NRXN1: variants seen among roughly 807,000 people sequenced by gnomAD.
NRXN1 encodes neurexin 1.
In NRXN1, 39 loss-of-function variants were observed where a neutral mutation model predicts 150.9. The ratio of observed to expected loss-of-function variants is 0.26; its 90% CI spans 0.20 to 0.34. The LOEUF (loss-of-function observed/expected upper bound fraction) is 0.34, where lower values mean the gene tolerates loss of function less well. Among genes scored for constraint, NRXN1 ranks in the 10% least tolerant of loss-of-function variants. The pLI is 1.00. For missense variants in NRXN1, 1,815 were observed against 1,949.9 expected (o/e 0.93, Z 1.30); for synonymous variants, 924 against 757.0 (o/e 1.22, Z -3.62).
At chr2:50,373,690 G>GGATAGAAAGAAAGAAAGAAAGAAAGAAA (rs2080265871) in intron 17 of NRXN1, among the ~76,000 whole-genome samples, 1 of 91,678 alleles carries the variant, frequency 1.1e-5, no homozygotes, top group East Asian at 4.8e-4. Context: ...AAAGAAAGAA[G>GGATAGAAAGAAAGAAAGAAAGAAAGAAA]GAAAGAAAGA....
In NRXN1 at chr2:50,411,682, C is replaced by CT. The variant is rs1335191820; in HGVS notation, c.3364+53759dup. On this transcript the variant is annotated intron_variant, in intron 17 of 22. Transcript: ENST00000401669. ...GGAGCCCCTCCGCCCGGCAGCCGCC[C>CT]TGTCTGGGAGGTGGGGGGGCAGCCC... 1.4e-3 allele frequency among the ~76,000 whole-genome samples: 192 copies of CT among 132,864 alleles called. No homozygotes were observed. In the Middle Eastern group the frequency reaches 0.018, roughly 12 times the overall value. 87.2% of individuals were successfully genotyped at this position (132,864 alleles called of 152,430 possible). A position where few individuals can be genotyped will look rare whatever the true frequency, so the allele number is the denominator to read the frequency against.
intron 5 of NRXN1, among the ~76,000 whole-genome samples, chr2:50,642,700 A>C (rs1684245262): frequency 6.6e-6 from 1 of 152,068 alleles, no homozygotes; most frequent in African/African-American, 2.4e-5. Flanking sequence ...TGAAGAATGC[A>C]ATCTACCAAA....
chr2:50,427,755 T>C (rs1053398538), intron 17 of NRXN1, among the ~76,000 whole-genome samples: 2 of 152,232 alleles, frequency 1.3e-5, no homozygotes, highest in South Asian at 2.1e-4. Flanking sequence ...TTTGGTTCTG[T>C]TGACACAATA....
At position 50,565,066 on chromosome 2, in the gene NRXN1, G is replaced by A. The variant is rs532596836; in HGVS notation, c.1321-12041C>T. 5.9e-5 allele frequency among the ~76,000 whole-genome samples: 9 copies of A among 152,212 alleles called. No individual in the cohort carries two copies. In the East Asian group the frequency reaches 1.7e-3, roughly 29 times the overall value. ...ACAAAAATTCAGTAAAATAAAAAAT[G>A]CAAAGCCCAAATTCTCACACAACCC... On this transcript the variant is annotated intron_variant, in intron 8 of 22. Coordinates refer to ENST00000401669, the MANE Select transcript of NRXN1 (RefSeq NM_001330078.2).
chr2:50,555,595 A>G (rs910543920), intron 8 of NRXN1, among the ~76,000 whole-genome samples: 14 of 152,202 alleles, frequency 9.2e-5, no homozygotes, highest in African/African-American at 3.4e-4. Flanking sequence ...CAGCACCAAG[A>G]TCAGTGGCTG....
chr2:50,618,402 T>G (rs954427768), intron 8 of NRXN1, among the ~76,000 whole-genome samples: 2 of 152,168 alleles, frequency 1.3e-5, no homozygotes, highest in Non-Finnish European at 2.9e-5. Flanking sequence ...CAAATAACTG[T>G]GTTAAATAAT....
chr2:50,117,412 T>A (rs1206977008), intron 18 of NRXN1, among the ~76,000 whole-genome samples: 2 of 152,142 alleles, frequency 1.3e-5, no homozygotes, highest in Admixed American at 1.3e-4. Flanking sequence ...TTCCACACCC[T>A]TCTCCTCAAT....
At chr2:50,563,696 G>A (rs1669450873) in intron 8 of NRXN1, among the ~76,000 whole-genome samples, 1 of 152,156 alleles carries the variant, frequency 6.6e-6, no homozygotes, top group African/African-American at 2.4e-5. Context: ...AGCCTGAAAT[G>A]GACTGTTTAA....
chr2:50,681,185 G>T (rs547551990), intron 5 of NRXN1, among the ~76,000 whole-genome samples: 9 of 152,120 alleles, frequency 5.9e-5, no homozygotes, highest in Non-Finnish European at 1.2e-4. Flanking sequence ...TACACTATTG[G>T]CCCCACCTTA....
intron 18 of NRXN1, among the ~76,000 whole-genome samples, chr2:50,232,377 CTTTTCTTTTCTTTTTT>C (rs1375554336): frequency 7.5e-6 from 1 of 132,980 alleles, no homozygotes; most frequent in African/African-American, 3.1e-5. Flanking sequence ...ATTTTTCTTT[CTTTTCTTTTCTTTTTT>C]TTTTTTTTTT....
Position 50,506,546 on chromosome 2 carries a change from G to C in NRXN1, c.2446C>G (p.Arg816Gly), listed in dbSNP as rs200325059. 6.2e-7 allele frequency: 1 copy of C among 1,613,118 alleles called. No individual in the cohort carries two copies. The change falls in exon 13 of 23, where the codon CGG becomes GGG. Residue 816 changes from arginine to glycine, a missense_variant. Around this residue, in one of 6 missense-constraint regions of NRXN1, gnomAD observed 638 missense variants for 652.6 expected, o/e 0.98. Coordinates refer to ENST00000401669, the MANE Select transcript of NRXN1 (RefSeq NM_001330078.2). ...GTTAACTTTAAACTTTTTCCACGCC[G>C]AACTACACGCACTGTGTGCCACTCG... The part of the protein sequence containing the change: ...DNEWHTVRVV[R>G]RGKSLKLTVD...
intron 17 of NRXN1, among the ~76,000 whole-genome samples, chr2:50,393,539 A>G (rs754349203): frequency 2.0e-5 from 3 of 152,124 alleles, no homozygotes; most frequent in Non-Finnish European, 4.4e-5. Flanking sequence ...GAAAAATGAG[A>G]AAGATAGGTA....
chr2:49,933,948 C>G (rs1307609223), intron 22 of NRXN1, among the ~76,000 whole-genome samples: 1 of 152,070 alleles, frequency 6.6e-6, no homozygotes, highest in East Asian at 1.9e-4. Flanking sequence ...ATTCAGGTGG[C>G]AAAAATGGTC....
intron 17 of NRXN1, among the ~76,000 whole-genome samples, chr2:50,431,160 T>C (rs1156500191): frequency 6.6e-6 from 1 of 152,200 alleles, no homozygotes; most frequent in Non-Finnish European, 1.5e-5. Flanking sequence ...GTCTTCTTTT[T>C]GTATGTCCAA....
chr2:50,675,344 T>C (rs1689401488), intron 5 of NRXN1, among the ~76,000 whole-genome samples: 1 of 152,168 alleles, frequency 6.6e-6, no homozygotes, highest in Non-Finnish European at 1.5e-5. Flanking sequence ...AACGTGCTCC[T>C]CAAGTATTTT....
At chr2:50,036,968 C>G (rs1050524204) in intron 21 of NRXN1, among the ~76,000 whole-genome samples, 2 of 152,146 alleles carry the variant, frequency 1.3e-5, no homozygotes, top group African/African-American at 4.8e-5. Context: ...GTCCAAATGG[C>G]AGAACCACAG....
chr2:50,550,438 A>G (rs1369935440), intron 9 of NRXN1, among the ~76,000 whole-genome samples: 1 of 152,046 alleles, frequency 6.6e-6, no homozygotes, highest in Non-Finnish European at 1.5e-5. Context: ...TAATTTTCAA[A>G]ATTTTATTCT....
At chr2:50,277,328 C>T (rs1298337094) in intron 17 of NRXN1, among the ~76,000 whole-genome samples, 1 of 133,684 alleles carries the variant, frequency 7.5e-6, no homozygotes, top group South Asian at 2.5e-4. Context: ...TGCTGGCTTT[C>T]CTAACAATGT....
chr2:50,257,538 C>T (rs753531522), intron 17 of NRXN1, among the ~76,000 whole-genome samples: 14 of 151,964 alleles, frequency 9.2e-5, no homozygotes, highest in Non-Finnish European at 1.8e-4. Flanking sequence ...TCTCAAGGGC[C>T]TAGGAGTCAT....
Sources: gnomAD v4.1 joint callset for allele counts (sites outside exome capture counted in the v4.1 genomes callset) on GRCh38, gnomAD v4.1.1 for gene constraint, gnomAD v4.1.1 regional missense constraint, MANE v1.5 for transcripts, NCBI Gene and HGNC (gene_info 2026-07-23, HGNC 2026-07-21) for gene names.